The following DTWD2 variants were observed in gnomAD, a reference collection of about 807,000 sequenced individuals.
The protein encoded by DTWD2 is DTW motif tRNA-uridine aminocarboxypropyltransferase 2.
DTWD2 carries 39 observed loss-of-function variants against 31.8 expected under a neutral mutation model. The observed-to-expected ratio is 1.22, with a 90% CI of 0.95 to 1.60. The LOEUF is 1.60. Ranked by LOEUF, DTWD2 falls within the 40% of genes most tolerant of loss-of-function variation. DTWD2 has a pLI of 0.00. For synonymous variants in DTWD2, 180 were observed against 142.8 expected (o/e 1.26, Z -1.86); for missense variants, 515 against 381.5 (o/e 1.35, Z -2.92).
At position 118,858,810 on chromosome 5, in the gene DTWD2, A is replaced by G. The variant is rs896353367; in HGVS notation, c.598-10592T>C. Among the ~76,000 whole-genome samples, 6 of 152,310 alleles carry G rather than the reference A, an allele frequency of 3.9e-5. No homozygotes were observed. The South Asian group carries it at 1.0e-3, about 26-fold the overall frequency. On this transcript the variant is annotated intron_variant, in intron 4 of 5. Transcript: ENST00000510708. ...CCTAGTATCATCAAACAAATTTCTC[A>G]ACTGTCTCAAAACAAATACAGCTGG... is the stretch of plus-strand genomic sequence containing the variant.
At chr5:118,961,769 T>TG (rs553619237) in intron 1 of DTWD2, among the ~76,000 whole-genome samples, 46 of 152,006 alleles carry the variant, frequency 3.0e-4, no homozygotes, top group South Asian at 1.7e-3. Context: ...CTTGCTTTAT[T>TG]GGGGGGGGCA....
At chr5:118,956,842 A>G (rs899295382) in intron 1 of DTWD2, among the ~76,000 whole-genome samples, 1 of 152,178 alleles carries the variant, frequency 6.6e-6, no homozygotes, top group African/African-American at 2.4e-5. Flanking sequence ...TCATTCAACT[A>G]GTTGAATAGA....
chr5:118,978,294 C>T (rs562477608), intron 1 of DTWD2, among the ~76,000 whole-genome samples: 1 of 152,312 alleles, frequency 6.6e-6, no homozygotes, highest in Admixed American at 6.5e-5. Flanking sequence ...CCAGGCAATA[C>T]CATTCAGGAC....
At chr5:118,850,909 G>A (rs1425019281) in intron 4 of DTWD2, among the ~76,000 whole-genome samples, 2 of 151,990 alleles carry the variant, frequency 1.3e-5, no homozygotes, top group Non-Finnish European at 2.9e-5. Flanking sequence ...ACAAGCAGAT[G>A]AAAAAATGCT....
intron 4 of DTWD2, among the ~76,000 whole-genome samples, chr5:118,891,279 A>G (rs1181049475): frequency 3.3e-5 from 5 of 152,064 alleles, no homozygotes; most frequent in East Asian, 1.9e-4. Flanking sequence ...TGTTCCCACT[A>G]TGCAATCCAC....
intron 4 of DTWD2, among the ~76,000 whole-genome samples, chr5:118,859,896 T>C (rs1015221085): frequency 2.0e-5 from 3 of 152,058 alleles, no homozygotes; most frequent in Non-Finnish European, 4.4e-5. Context: ...GACAGGAGGA[T>C]CACTTGAGCC....
intron 1 of DTWD2, among the ~76,000 whole-genome samples, chr5:118,980,710 A>T (rs1236426793): frequency 6.6e-6 from 1 of 152,244 alleles, no homozygotes; most frequent in African/African-American, 2.4e-5. Context: ...GCTGGTGGGA[A>T]TGTAGGTGGT....
At chr5:118,933,417 C>A (rs1580418647) in intron 3 of DTWD2, among the ~76,000 whole-genome samples, 1 of 152,064 alleles carries the variant, frequency 6.6e-6, no homozygotes, top group Non-Finnish European at 1.5e-5. Flanking sequence ...AAATTCTCAA[C>A]AAAATATCAG....
At chr5:118,971,516 C>T (rs967430832) in intron 1 of DTWD2, among the ~76,000 whole-genome samples, 1 of 152,072 alleles carries the variant, frequency 6.6e-6, no homozygotes, top group East Asian at 1.9e-4. Flanking sequence ...GAGACTGACT[C>T]CCACACAATA....
At chr5:118,853,341 G>GCATCC (rs1241888658) in intron 4 of DTWD2, among the ~76,000 whole-genome samples, 1 of 152,144 alleles carries the variant, frequency 6.6e-6, no homozygotes, top group East Asian at 1.9e-4. Context: ...TTAGTTTAGA[G>GCATCC]ATTTCTCAAA....
intron 4 of DTWD2, among the ~76,000 whole-genome samples, chr5:118,860,184 TATTA>T (rs938956369): frequency 6.7e-6 from 1 of 149,712 alleles, no homozygotes; most frequent in Non-Finnish European, 1.5e-5. Context: ...ACTCATTATA[TATTA>T]TATAAAAGCA....
At chr5:118,849,361 A>G (rs1158063603) in intron 4 of DTWD2, among the ~76,000 whole-genome samples, 1 of 152,244 alleles carries the variant, frequency 6.6e-6, no homozygotes, top group African/African-American at 2.4e-5. Flanking sequence ...GTGATCATTA[A>G]AAAGTCAGGA....
At chr5:118,965,984 AAAG>A (rs964361352) in intron 1 of DTWD2, among the ~76,000 whole-genome samples, 2 of 151,930 alleles carry the variant, frequency 1.3e-5, no homozygotes, top group Non-Finnish European at 2.9e-5. Context: ...AGAAAAAAAA[AAAG>A]AGATGCCAGG....
At chr5:118,928,880 G>T in intron 3 of DTWD2, 151 bp from the exon 4 acceptor site, 1 of 659,844 alleles carries the variant, frequency 1.5e-6, no homozygotes, top group Non-Finnish European at 2.3e-6. Context: ...GAATTAAAAA[G>T]ACTCAAAATT....
intron 1 of DTWD2, among the ~76,000 whole-genome samples, chr5:118,965,708 T>C (rs921490219): frequency 3.3e-5 from 5 of 152,150 alleles, no homozygotes; most frequent in African/African-American, 1.2e-4. Context: ...CGGTGCAAGA[T>C]GTGCTTTGTT....
At chr5:118,854,325 T>C (rs530183923) in intron 4 of DTWD2, among the ~76,000 whole-genome samples, 2 of 152,224 alleles carry the variant, frequency 1.3e-5, no homozygotes, top group Admixed American at 1.3e-4. Flanking sequence ...ACTGTAATCT[T>C]TTTTTAATAA....
chr5:118,930,416 TAAAG>T (rs1349406251), intron 3 of DTWD2, among the ~76,000 whole-genome samples: 1 of 151,732 alleles, frequency 6.6e-6, no homozygotes, highest in Non-Finnish European at 1.5e-5. Flanking sequence ...AGCTCAGAAA[TAAAG>T]AGTTTGAAAG....
rs1307572483 is a variant in DTWD2, at chr5:118,838,400, A to G, written c.*2517T>C. ...AAACTTGGAACTTCCAGGAAAAATC[A>G]AGCAAATATAAAGAATCTGAATTTA... On this transcript the variant is annotated 3_prime_UTR_variant, in exon 6 of 6. Coordinates refer to ENST00000510708, the MANE Select transcript of DTWD2 (RefSeq NM_173666.4). 3.9e-5 allele frequency: 6 copies of G among 152,238 alleles called. No homozygotes were observed. The allele number at this position is 152,238 out of a possible 1,614,324, so 9.4% of individuals were successfully genotyped here. A position where few individuals can be genotyped will look rare whatever the true frequency, so the allele number is the denominator to read the frequency against.
chr5:118,870,857 A>C (rs1752486099), intron 4 of DTWD2, among the ~76,000 whole-genome samples: 1 of 151,586 alleles, frequency 6.6e-6, no homozygotes, highest in African/African-American at 2.4e-5. Flanking sequence ...TCCACAGTAA[A>C]CTTTTTTCAA....
Sources: allele counts gnomAD v4.1 joint callset (sites outside exome capture counted in the v4.1 genomes callset), GRCh38; gene constraint gnomAD v4.1.1; transcripts MANE v1.5; gene names NCBI Gene and HGNC (gene_info 2026-07-23, HGNC 2026-07-21).